The following USH2A variants were observed in gnomAD, a reference collection of about 807,000 sequenced individuals.
USH2A encodes Usher syndrome 2A (autosomal recessive, mild).
Under a neutral mutation model 538.9 loss-of-function variants are expected in USH2A, and 443 were observed. The ratio of observed to expected loss-of-function variants is 0.82; its 90% CI spans 0.76 to 0.89. USH2A has a LOEUF of 0.89. Among genes scored for constraint, USH2A ranks in the 40% least tolerant of loss-of-function variants. The pLI is 0.00. For missense variants in USH2A, 6,633 were observed against 6,324.8 expected (o/e 1.05, Z -1.65); for synonymous variants, 2,413 against 2,273.5 (o/e 1.06, Z -1.75).
intron 35 of USH2A, among the ~76,000 whole-genome samples, chr1:215,981,295 T>C (rs1667747752): frequency 6.6e-6 from 1 of 152,188 alleles, no homozygotes; most frequent in South Asian, 2.1e-4. Context: ...GTTTTATATA[T>C]TCTGGATACA....
At chr1:216,167,914 G>A (rs1438443363) in intron 21 of USH2A, among the ~76,000 whole-genome samples, 1 of 152,040 alleles carries the variant, frequency 6.6e-6, no homozygotes, top group East Asian at 1.9e-4. Flanking sequence ...CATTTCTTTA[G>A]AGCACTGGAA....
intron 44 of USH2A, among the ~76,000 whole-genome samples, chr1:215,862,465 A>G (rs998250202): frequency 1.3e-5 from 2 of 152,134 alleles, no homozygotes; most frequent in African/African-American, 4.8e-5. Context: ...CCTAATGTAA[A>G]TGACGAGTTA....
rs74998082 is a variant in USH2A at position 216,130,175 on chromosome 1, C to A, written c.4628-32962G>T. Among the ~76,000 whole-genome samples, 696 of 151,806 alleles carry A rather than the reference C, an allele frequency of 4.6e-3. 6 individuals are homozygous for A. Among genetic ancestry groups the A allele is most frequent in the African/African-American group, 0.011 (445 of 41,462 alleles). ...AAAAATTTCTTTTATTTTTTATTTCCACGGGTTACTGGGCACAGGTGGTGT... is the reference window on the plus strand; with the variant it reads ...AAAAATTTCTTTTATTTTTTATTTCAACGGGTTACTGGGCACAGGTGGTGT... On this transcript the variant is annotated intron_variant, in intron 21 of 71. Transcript: ENST00000307340.
intron 35 of USH2A, among the ~76,000 whole-genome samples, chr1:215,987,426 C>T (rs140080123): frequency 2.2e-4 from 34 of 152,220 alleles, no homozygotes; most frequent in African/African-American, 7.9e-4. Flanking sequence ...CTCTTTTCAG[C>T]GGTTTTAAAA....
chr1:215,728,411 G>A, intron 60 of USH2A, 27 bp from the exon 61 acceptor site: 1 of 1,606,094 alleles, frequency 6.2e-7, no homozygotes, highest in Non-Finnish European at 8.5e-7. Context: ...CAGGCAACCA[G>A]TGACAGCTGC....
chr1:215,698,226 A>C (rs747763929), intron 61 of USH2A, among the ~76,000 whole-genome samples: 1 of 152,156 alleles, frequency 6.6e-6, no homozygotes, highest in Non-Finnish European at 1.5e-5. Context: ...CCAGTCTATC[A>C]TTGATGGGCA....
At chr1:216,413,790 C>G (rs995281450) in intron 3 of USH2A, among the ~76,000 whole-genome samples, 2 of 152,042 alleles carry the variant, frequency 1.3e-5, no homozygotes, top group African/African-American at 4.8e-5. Context: ...GGTTCCACAG[C>G]TGTAGTATTT....
intron 30 of USH2A, among the ~76,000 whole-genome samples, chr1:216,063,999 G>T (rs1194589602): frequency 6.6e-6 from 1 of 152,174 alleles, no homozygotes; most frequent in East Asian, 1.9e-4. Context: ...ATCAGTGAGT[G>T]ACAGTGGTGT....
intron 50 of USH2A, among the ~76,000 whole-genome samples, chr1:215,792,096 C>T (rs531734120): frequency 1.3e-5 from 2 of 152,108 alleles, no homozygotes; most frequent in East Asian, 1.9e-4. Flanking sequence ...CTTTAGGGAG[C>T]GGAATATATT....
intron 15 of USH2A, 123 bp from the exon 16 acceptor site, chr1:216,207,554 G>T: frequency 8.4e-7 from 1 of 1,191,700 alleles, no homozygotes. Flanking sequence ...GAAGACATGT[G>T]GTTTACCAAG....
intron 11 of USH2A, among the ~76,000 whole-genome samples, chr1:216,286,016 T>A (rs1374390613): frequency 1.3e-5 from 2 of 152,148 alleles, no homozygotes; most frequent in African/African-American, 4.8e-5. Flanking sequence ...TTGCCTCAGA[T>A]GAGACTTTGG....
At chr1:216,364,349 A>G (rs1258539476) in intron 4 of USH2A, among the ~76,000 whole-genome samples, 1 of 152,172 alleles carries the variant, frequency 6.6e-6, no homozygotes, top group African/African-American at 2.4e-5. Context: ...TTTATTACAC[A>G]TTGAAATTAC....
At chr1:216,186,173 C>T (rs758741952) in intron 20 of USH2A, among the ~76,000 whole-genome samples, 4 of 150,214 alleles carry the variant, frequency 2.7e-5, no homozygotes, top group Non-Finnish European at 5.9e-5. Flanking sequence ...AAAGGTAATA[C>T]AATTTTTTGA....
chr1:215,931,582 G>A (rs1037032701), intron 38 of USH2A, among the ~76,000 whole-genome samples: 21 of 151,994 alleles, frequency 1.4e-4, no homozygotes, highest in African/African-American at 4.6e-4. Context: ...GTACAGAGAA[G>A]GTCTCTTTCA....
At chr1:215,698,402 G>T (rs555061693) in intron 61 of USH2A, among the ~76,000 whole-genome samples, 2 of 152,270 alleles carry the variant, frequency 1.3e-5, no homozygotes, top group East Asian at 3.9e-4. Flanking sequence ...TCACCACACT[G>T]TCTTCCACAA....
chr1:216,001,376 G>A (rs1558204545), intron 32 of USH2A, among the ~76,000 whole-genome samples: 1 of 152,026 alleles, frequency 6.6e-6, no homozygotes, highest in Non-Finnish European at 1.5e-5. Context: ...TAGTGCCCTA[G>A]GCTGAAAGAA....
intron 32 of USH2A, among the ~76,000 whole-genome samples, chr1:216,031,963 C>T (rs781047682): frequency 1.2e-4 from 19 of 152,218 alleles, no homozygotes; most frequent in Non-Finnish European, 2.1e-4. Flanking sequence ...ATCTTCCACA[C>T]TGGGTTGAAC....
intron 21 of USH2A, among the ~76,000 whole-genome samples, chr1:216,166,209 T>C (rs2034166312): frequency 6.6e-6 from 1 of 151,998 alleles, no homozygotes; most frequent in South Asian, 2.1e-4. Context: ...TGAGTAGCAA[T>C]TAGCCAGGTG....
intron 65 of USH2A, among the ~76,000 whole-genome samples, chr1:215,649,247 G>T (rs551348699): frequency 2.0e-5 from 3 of 152,292 alleles, no homozygotes; most frequent in Admixed American, 6.5e-5. Flanking sequence ...TTAAAATCAG[G>T]TATAAGTATT....
Sources: gnomAD v4.1 joint callset for allele counts (sites outside exome capture counted in the v4.1 genomes callset) on GRCh38, gnomAD v4.1.1 for gene constraint, MANE v1.5 for transcripts, NCBI Gene and HGNC (gene_info 2026-07-23, HGNC 2026-07-21) for gene names.